Variants in PIGP observed in about 807,000 individuals in gnomAD.
The protein encoded by PIGP is phosphatidylinositol N-acetylglucosaminyltransferase subunit P.
A neutral mutation model predicts 16.9 loss-of-function variants in PIGP; 12 were observed. The ratio of observed to expected loss-of-function variants is 0.71; its 90% CI spans 0.46 to 1.15. The LOEUF is 1.15. PIGP is among the 50% of genes most tolerant of loss of function. The pLI is 0.00. For missense variants in PIGP, 159 were observed against 153.5 expected, an observed-to-expected ratio of 1.04 and a Z score of -0.19; for synonymous variants, 57 against 54.7, an observed-to-expected ratio of 1.04 and a Z score of -0.18.
chr21:37,072,505 T>C lies in PIGP; in HGVS notation c.11A>G (p.Asn4Ser), dbSNP rs752814377. ...TCTTTCTGGCAATGGCGACGGTGAA[T>C]TTTCCACCATTTTTCCTGGGGCTTT... MVE[N>S]SPSPLPERAI... The change falls in exon 2 of 5, where the codon AAT (asparagine) becomes AGT (serine). Residue 4 changes from asparagine (N) to serine (S), a missense_variant. Physicochemically the swap from Asn to Ser is conservative, Grantham distance 46. Transcript: ENST00000360525. The C allele has an allele frequency of 5.0e-6, 8 of 1,614,212 alleles. No individual in the cohort carries two copies. Among genetic ancestry groups the C allele is most frequent in the Non-Finnish European group, 6.8e-6 (8 of 1,180,008 alleles).
At chr21:37,068,825 C>T (rs566230083) in intron 3 of PIGP, among the ~76,000 whole-genome samples, 1 of 152,176 alleles carries the variant, frequency 6.6e-6, no homozygotes, top group East Asian at 1.9e-4. Context: ...GCCTCGAAGC[C>T]CCAAGAGGGA....
chr21:37,072,817 G>T (rs931814897), intron 1 of PIGP, 183 bp downstream of exon 1: 6 of 532,668 alleles, frequency 1.1e-5, no homozygotes, highest in Non-Finnish European at 2.0e-5. Context: ...TGGGAGGGGA[G>T]GGCAGGGAAC....
At chr21:37,067,852 T>C (rs988261084) in intron 3 of PIGP, among the ~76,000 whole-genome samples, 2 of 152,136 alleles carry the variant, frequency 1.3e-5, no homozygotes, top group African/African-American at 4.8e-5. Context: ...TTATATATTT[T>C]CTTGTACAAC....
At chr21:37,066,258 C>T (rs892496317) in intron 4 of PIGP, among the ~76,000 whole-genome samples, 6 of 152,034 alleles carry the variant, frequency 3.9e-5, no homozygotes, top group Admixed American at 2.6e-4. Context: ...ATATCCAGGC[C>T]TTGAAAATGT....
At chr21:37,069,133 T>C in intron 3 of PIGP, 1 of 155,794 alleles carries the variant, frequency 6.4e-6, no homozygotes, top group East Asian at 1.9e-4. Flanking sequence ...TGAGCTATTC[T>C]GGAGTTCTAA....
At position 37,067,332 on chromosome 21, in the gene PIGP, A is replaced by C; in HGVS notation, c.204T>G (p.Ile68Met). The change falls in exon 4 of 5, where the codon ATT becomes ATG. Residue 68 changes from isoleucine (I) to methionine (M), a missense_variant. Coordinates refer to ENST00000360525, the MANE Select transcript of PIGP (RefSeq NM_153682.3). ...LPVYLLIAIV[I>M]GYVLLFGINM... ...TAATCCCAAACAAGAGCACGTAGCCAATTACTATAGCAATAAGGAGGTAGA... is the reference window on the plus strand; with the variant it reads ...TAATCCCAAACAAGAGCACGTAGCCCATTACTATAGCAATAAGGAGGTAGA... 6.2e-7 allele frequency: 1 copy of C among 1,611,974 alleles called. No homozygotes were observed. Among genetic ancestry groups the C allele is most frequent in the Non-Finnish European group, 8.5e-7 (1 of 1,178,000 alleles).
At position 37,072,461 on chromosome 21, in the gene PIGP, G is replaced by C; in HGVS notation, c.55C>G (p.Leu19Val). The C allele has an allele frequency of 6.2e-7, 1 of 1,614,230 alleles. No homozygotes were observed. Residue 19 changes from leucine (L) to valine (V), a missense_variant, in exon 2 of 5, where the codon CTT becomes GTT. By Grantham distance (32) the Leu-to-Val change is conservative. Coordinates refer to ENST00000360525, the MANE Select transcript of PIGP (RefSeq NM_153682.3). ...AAGCCAAATTGGGAGCTTAAGAAAA[G>C]AACAAAGCCATAAATCGCTCTTTCT... ...LPERAIYGFV[L>V]FLSSQFGFIL...
intron 3 of PIGP, chr21:37,069,312 T>C (rs1296328170): frequency 1.1e-5 from 3 of 270,670 alleles, no homozygotes; most frequent in Non-Finnish European, 1.4e-5. Context: ...TTTTTTTTCC[T>C]GTAGGGTCAT....
In PIGP at chr21:37,067,328, A is replaced by G. The variant is rs764955615; in HGVS notation, c.208T>C (p.Tyr70His). The G allele has an allele frequency of 3.1e-6, 5 of 1,612,300 alleles. No individual in the cohort carries two copies. Among genetic ancestry groups the G allele is most frequent in the Middle Eastern group, 1.7e-4 (1 of 6,056 alleles). Reference protein sequence around the residue: ...VYLLIAIVIGYVLLFGINMMS... With the variant: ...VYLLIAIVIGHVLLFGINMMS... ...ATGTTAATCCCAAACAAGAGCACGT[A>G]GCCAATTACTATAGCAATAAGGAGG... The change falls in exon 4 of 5, where the codon TAC (tyrosine) becomes CAC (histidine). Residue 70 changes from tyrosine (Y) to histidine (H), a missense_variant. Transcript: ENST00000360525.
chr21:37,065,803 G>T, intron 4 of PIGP, 91 bp from the exon 5 acceptor site: 2 of 1,068,476 alleles, frequency 1.9e-6, no homozygotes, highest in Non-Finnish European at 2.8e-6. Flanking sequence ...AGTTTACTAG[G>T]CTGACGTTTG....
intron 3 of PIGP, among the ~76,000 whole-genome samples, chr21:37,068,774 A>T (rs1430755524): frequency 2.0e-5 from 3 of 152,214 alleles, no homozygotes; most frequent in Admixed American, 6.5e-5. Flanking sequence ...TCCTCAGGAA[A>T]GAACTATCTA....
At chr21:37,068,408 A>C (rs1056307793) in intron 3 of PIGP, among the ~76,000 whole-genome samples, 3 of 151,720 alleles carry the variant, frequency 2.0e-5, no homozygotes, top group African/African-American at 7.3e-5. Flanking sequence ...AAATACAGTA[A>C]TTTCCTGTTT....
intron 2 of PIGP, among the ~76,000 whole-genome samples, chr21:37,070,192 C>T (rs2069979808): frequency 6.6e-6 from 1 of 152,140 alleles, no homozygotes; most frequent in Non-Finnish European, 1.5e-5. Flanking sequence ...TTAAGATAAT[C>T]CTCCAAGACA....
chr21:37,065,614 GA>G lies in PIGP; in HGVS notation c.372del (p.Ala126GlnfsTer37). The part of the protein sequence containing the change: ...ISISEVNQMF[F>X]LAAKELYTKN ...TTGGTGTAAAGTTCTTTGGCTGCAA[GA>G]AAGAACATTTGGTTTACTTCACTAA... On this transcript the variant is annotated frameshift_variant, in exon 5 of 5. Transcript: ENST00000360525. LOFTEE classifies it high-confidence loss of function. 1 of 1,613,248 alleles carries G rather than the reference GA, an allele frequency of 6.2e-7. No individual in the cohort carries two copies. The highest frequency in any genetic ancestry group is 8.5e-7 in the Non-Finnish European group (1 of 1,179,642).
intron 2 of PIGP, among the ~76,000 whole-genome samples, chr21:37,070,601 G>A (rs760563797): frequency 2.0e-5 from 3 of 152,074 alleles, no homozygotes; most frequent in Admixed American, 6.6e-5. Flanking sequence ...TACTATATAC[G>A]TTTTTCTTAT....
Position 37,072,100 on chromosome 21 carries a change from G to A in PIGP, c.82+334C>T, listed in dbSNP as rs1260913457. 3.5e-6 allele frequency: 3 copies of A among 851,016 alleles called. No homozygotes were observed. In the East Asian group the frequency reaches 7.2e-5, roughly 20 times the overall value. 52.7% of individuals were successfully genotyped at this position (851,016 alleles called of 1,614,324 possible). ...AGTCTGGTTTCAATGTCTCTCCACC[G>A]TGCTCCCTGACACTCATCACACTGA... On this transcript the variant is annotated intron_variant, in intron 2 of 4. Coordinates refer to ENST00000360525, the MANE Select transcript of PIGP (RefSeq NM_153682.3).
chr21:37,069,586 G>A lies in PIGP; in HGVS notation c.121C>T (p.Leu41=). 6.4e-7 allele frequency: 1 copy of A among 1,569,388 alleles called. No individual in the cohort carries two copies. The highest frequency in any genetic ancestry group is 8.7e-7 in the Non-Finnish European group (1 of 1,154,228). ...LVWAFIPESW[L]NSLGLTYWPQ... is the part of the protein sequence containing the mutation. ...CAATAGGTTAAACCTAAAGAGTTTA[G>A]CCAAGATTCAGGAATAAAGGCCCAC... is the stretch of plus-strand genomic sequence containing the variant. Residue 41 remains leucine (L), a synonymous_variant, in exon 3 of 5, where the codon CTA becomes TTA. Coordinates refer to ENST00000360525, the MANE Select transcript of PIGP (RefSeq NM_153682.3).
Position 37,067,342 on chromosome 21 carries a change from G to A in PIGP, c.194C>T (p.Ala65Val). The A allele has an allele frequency of 1.2e-6, 2 of 1,610,256 alleles. No homozygotes were observed. Among genetic ancestry groups the A allele is most frequent in the Non-Finnish European group, 1.7e-6 (2 of 1,176,550 alleles). ...CAAGAGCACGTAGCCAATTACTATA[G>A]CAATAAGGAGGTAGACAGGTAATGC... is the stretch of plus-strand genomic sequence containing the variant. ...AVALPVYLLI[A>V]IVIGYVLLFG... The change falls in exon 4 of 5, where the codon GCT (alanine) becomes GTT (valine). Residue 65 changes from alanine to valine, a missense_variant. Coordinates refer to ENST00000360525, the MANE Select transcript of PIGP (RefSeq NM_153682.3).
chr21:37,070,839 G>A (rs556053171), intron 2 of PIGP, among the ~76,000 whole-genome samples: 1 of 152,244 alleles, frequency 6.6e-6, no homozygotes, highest in African/African-American at 2.4e-5. Context: ...CTCAGCTCAC[G>A]GCAACCTCCG....
Sources: allele counts gnomAD v4.1 joint callset (sites outside exome capture counted in the v4.1 genomes callset), GRCh38; gene constraint gnomAD v4.1.1; transcripts MANE v1.5; gene names NCBI Gene and HGNC (gene_info 2026-07-23, HGNC 2026-07-21).